The following THSD7A variants were observed in gnomAD, a reference collection of about 807,000 sequenced individuals.
The protein encoded by THSD7A is thrombospondin type-1 domain-containing protein 7A.
In THSD7A, 96 loss-of-function variants were observed where a neutral mutation model predicts 231.3. That is an observed-to-expected ratio of 0.41 (90% CI 0.35 to 0.49). THSD7A has a LOEUF of 0.49. THSD7A is among the 20% of genes least tolerant of loss of function. THSD7A has a pLI of 0.05. For missense variants in THSD7A, 2,290 were observed against 2,070.2 expected, an observed-to-expected ratio of 1.11 and a Z score of -2.06; for synonymous variants, 940 against 743.3, an observed-to-expected ratio of 1.26 and a Z score of -4.30.
intron 4 of THSD7A, among the ~76,000 whole-genome samples, chr7:11,584,453 A>G (rs1332860159): frequency 6.6e-6 from 1 of 152,152 alleles, no homozygotes; most frequent in Non-Finnish European, 1.5e-5. Context: ...CCCAAACAAT[A>G]TATTCCAAGT....
chr7:11,544,043 A>C (rs2040819), intron 4 of THSD7A, among the ~76,000 whole-genome samples: 2 of 151,692 alleles, frequency 1.3e-5, no homozygotes, highest in African/African-American at 4.9e-5. Context: ...CTTTTGTTTT[A>C]AAAAAAAATC....
intron 1 of THSD7A, among the ~76,000 whole-genome samples, chr7:11,779,332 T>A (rs749752876): frequency 2.0e-5 from 3 of 152,188 alleles, no homozygotes; most frequent in African/African-American, 4.8e-5. Context: ...TTCATTCACC[T>A]TAATGGTCGG....
intron 6 of THSD7A, among the ~76,000 whole-genome samples, chr7:11,491,976 A>C (rs1024157194): frequency 3.3e-5 from 5 of 151,984 alleles, no homozygotes; most frequent in Non-Finnish European, 5.9e-5. Context: ...TCACACTTCC[A>C]ATCTGTCCTG....
At chr7:11,453,372 A>G (rs1023447064) in intron 11 of THSD7A, among the ~76,000 whole-genome samples, 12 of 151,052 alleles carry the variant, frequency 7.9e-5, no homozygotes, top group Admixed American at 2.0e-4. Flanking sequence ...TTTTAAACCA[A>G]TAAGTGACAC....
At chr7:11,639,410 C>T (rs980386041) in intron 1 of THSD7A, among the ~76,000 whole-genome samples, 1 of 152,108 alleles carries the variant, frequency 6.6e-6, no homozygotes, top group African/African-American at 2.4e-5. Flanking sequence ...TGGCTCATGC[C>T]TGTAATCCCA....
In THSD7A at chr7:11,637,492, T is replaced by C. The variant is rs373406364; in HGVS notation, c.191-531A>G. ...GGGTCTAATAGTTGTATATCATGTG[T>C]GCCACTAGAGCTTAAAGTGTTCACT... is the stretch of plus-strand genomic sequence containing the variant. On this transcript the variant is annotated intron_variant, in intron 1 of 27. Coordinates refer to ENST00000423059, the MANE Select transcript of THSD7A (RefSeq NM_015204.3). The surrounding 1 kb of genome is among the most constrained non-coding windows in gnomAD (Gnocchi z 4.2). Among the ~76,000 whole-genome samples, 21 of 152,324 alleles carry C rather than the reference T, an allele frequency of 1.4e-4. 1 individual carries two copies. Among genetic ancestry groups the C allele is most frequent in the African/African-American group, 5.1e-4 (21 of 41,570 alleles).
At chr7:11,766,007 TAC>T (rs1377503901) in intron 1 of THSD7A, among the ~76,000 whole-genome samples, 1 of 152,170 alleles carries the variant, frequency 6.6e-6, no homozygotes, top group African/African-American at 2.4e-5. Flanking sequence ...CCTTTGAGTG[TAC>T]ACAGTGTCAA....
At chr7:11,776,116 G>A (rs1783398144) in intron 1 of THSD7A, among the ~76,000 whole-genome samples, 1 of 152,156 alleles carries the variant, frequency 6.6e-6, no homozygotes, top group African/African-American at 2.4e-5. Flanking sequence ...TGGCCCAAGG[G>A]AGATGCACTT....
chr7:11,802,448 C>A (rs768776670), intron 1 of THSD7A, among the ~76,000 whole-genome samples: 3 of 152,052 alleles, frequency 2.0e-5, no homozygotes, highest in Non-Finnish European at 4.4e-5. Flanking sequence ...AATGTGTGAT[C>A]ACTAAACTGT....
At chr7:11,593,045 T>A (rs1376510076) in intron 3 of THSD7A, among the ~76,000 whole-genome samples, 1 of 152,148 alleles carries the variant, frequency 6.6e-6, no homozygotes, top group African/African-American at 2.4e-5. Flanking sequence ...AGAAAATACA[T>A]AAACATAGAA....
chr7:11,569,061 A>C (rs1790509142), intron 4 of THSD7A, among the ~76,000 whole-genome samples: 1 of 152,020 alleles, frequency 6.6e-6, no homozygotes, highest in South Asian at 2.1e-4. Flanking sequence ...TAAGAACTTA[A>C]ACATAAGACC....
intron 2 of THSD7A, among the ~76,000 whole-genome samples, chr7:11,603,735 G>A (rs978908279): frequency 1.3e-5 from 2 of 151,398 alleles, no homozygotes; most frequent in African/African-American, 4.9e-5. Context: ...GTAGGGACAT[G>A]GATGAAATTG....
chr7:11,655,105 C>T (rs1379853406), intron 1 of THSD7A, among the ~76,000 whole-genome samples: 1 of 151,804 alleles, frequency 6.6e-6, no homozygotes, highest in African/African-American at 2.4e-5. Context: ...GCTTAGCAGT[C>T]TCTCATTCAA....
intron 1 of THSD7A, among the ~76,000 whole-genome samples, chr7:11,761,143 T>C (rs1467689914): frequency 6.6e-6 from 1 of 151,922 alleles, no homozygotes; most frequent in African/African-American, 2.4e-5. Flanking sequence ...CAACTTTGAT[T>C]ACATCAAACA....
At chr7:11,508,840 A>G (rs1787670118) in intron 6 of THSD7A, among the ~76,000 whole-genome samples, 1 of 152,246 alleles carries the variant, frequency 6.6e-6, no homozygotes, top group East Asian at 1.9e-4. Flanking sequence ...TAAGCCAGTC[A>G]CAGCAATATG....
intron 1 of THSD7A, among the ~76,000 whole-genome samples, chr7:11,818,622 T>C (rs1784780725): frequency 6.6e-6 from 1 of 152,160 alleles, no homozygotes; most frequent in Non-Finnish European, 1.5e-5. Context: ...GACAATGGCT[T>C]CCTCAGTGCA....
At chr7:11,395,246 G>A (rs893375086) in intron 23 of THSD7A, among the ~76,000 whole-genome samples, 1 of 151,836 alleles carries the variant, frequency 6.6e-6, no homozygotes, top group Non-Finnish European at 1.5e-5. Flanking sequence ...ATATGGTAAA[G>A]GGATCAATGT....
intron 1 of THSD7A, among the ~76,000 whole-genome samples, chr7:11,642,524 C>G (rs1374729039): frequency 6.6e-6 from 1 of 152,066 alleles, no homozygotes; most frequent in Admixed American, 6.6e-5. Context: ...GTGCAGAACA[C>G]TTAGCTTGAC....
chr7:11,744,399 A>C (rs1322498222), intron 1 of THSD7A, among the ~76,000 whole-genome samples: 1 of 151,870 alleles, frequency 6.6e-6, no homozygotes, highest in East Asian at 1.9e-4. Flanking sequence ...TGCTTGTATC[A>C]ATTTTTATGA....
Sources: allele counts gnomAD v4.1 joint callset (sites outside exome capture counted in the v4.1 genomes callset), GRCh38; gene constraint gnomAD v4.1.1; non-coding constraint Gnocchi (gnomAD v3.1); transcripts MANE v1.5; gene names NCBI Gene and HGNC (gene_info 2026-07-23, HGNC 2026-07-21).